TOMM20: variants seen among roughly 807,000 people sequenced by gnomAD.
TOMM20 encodes translocase of outer mitochondrial membrane 20.
A neutral mutation model predicts 22.1 loss-of-function variants in TOMM20; 10 were observed. The ratio of observed to expected loss-of-function variants is 0.45; its 90% CI spans 0.28 to 0.77. TOMM20 has a LOEUF of 0.77. TOMM20 is among the 30% of genes least tolerant of loss of function. TOMM20 has a pLI of 0.13. For missense variants in TOMM20, 121 were observed against 172.2 expected (o/e 0.70, Z 1.66); for synonymous variants, 55 against 61.4 (o/e 0.90, Z 0.49).
At chr1:235,118,344 CA>C (rs1449608004) in intron 3 of TOMM20, among the ~76,000 whole-genome samples, 1 of 152,186 alleles carries the variant, frequency 6.6e-6, no homozygotes, top group Non-Finnish European at 1.5e-5. Flanking sequence ...TTATGCGATG[CA>C]AGGAGCAGAG....
intron 2 of TOMM20, among the ~76,000 whole-genome samples, 178 bp downstream of exon 2, chr1:235,122,148 C>T (rs1043538604): frequency 6.6e-6 from 1 of 152,134 alleles, no homozygotes; most frequent in Non-Finnish European, 1.5e-5. Context: ...GACTCGATAA[C>T]TGTCATTGGA....
intron 1 of TOMM20, among the ~76,000 whole-genome samples, chr1:235,126,943 T>C (rs1407990247): frequency 2.0e-5 from 3 of 152,248 alleles, no homozygotes; most frequent in African/African-American, 7.2e-5. Context: ...TGCAGCTAAG[T>C]AATTCACTGT....
rs1430513269 is a variant in TOMM20, at chr1:235,111,380, A to G, written c.*684T>C. ...GCACACATTAACTAGCGAAGCTCAC[A>G]AGGCTAGATTAGGGGTGTACAGAAA... On this transcript the variant is annotated 3_prime_UTR_variant, in exon 5 of 5. Transcript: ENST00000366607. The G allele has an allele frequency of 6.6e-6, 1 of 152,292 alleles. No homozygotes were observed. The highest frequency in any genetic ancestry group is 1.5e-5 in the Non-Finnish European group (1 of 68,066). 9.4% of individuals were successfully genotyped at this position (152,292 alleles called of 1,614,324 possible).
chr1:235,128,453 C>A, intron 1 of TOMM20, 142 bp downstream of exon 1: 1 of 1,335,320 alleles, frequency 7.5e-7, no homozygotes, highest in South Asian at 1.4e-5. Context: ...CGGAGCGGCG[C>A]AGCCAGCGCC....
At chr1:235,118,690 A>C (rs1413754183) in intron 3 of TOMM20, among the ~76,000 whole-genome samples, 1 of 151,994 alleles carries the variant, frequency 6.6e-6, no homozygotes, top group Admixed American at 6.6e-5. Context: ...CACCTGGTTT[A>C]TTTTCTCATT....
chr1:235,126,036 G>A (rs1183119776), intron 1 of TOMM20, among the ~76,000 whole-genome samples: 4 of 151,712 alleles, frequency 2.6e-5, no homozygotes, highest in South Asian at 4.2e-4. Context: ...GATTACAGGC[G>A]TGAGTCACTG....
chr1:235,124,732 G>A (rs549091747), intron 1 of TOMM20, among the ~76,000 whole-genome samples: 1 of 152,226 alleles, frequency 6.6e-6, no homozygotes, highest in South Asian at 2.1e-4. Context: ...AACTGATACA[G>A]CTACCAAATT....
In TOMM20 at chr1:235,128,805, CA is replaced by C; in HGVS notation, c.-91del. On this transcript the variant is annotated 5_prime_UTR_variant, in exon 1 of 5. Coordinates refer to ENST00000366607, the MANE Select transcript of TOMM20 (RefSeq NM_014765.3). ...CCCTCAGAGCGGTCGGCGCAGCTCA[CA>C]CCCGACGGCCGCGGGCCAGGAACAC... is the stretch of plus-strand genomic sequence containing the variant. 1 of 1,569,800 alleles carries C rather than the reference CA, an allele frequency of 6.4e-7. No homozygotes were observed. The highest frequency in any genetic ancestry group is 8.6e-7 in the Non-Finnish European group (1 of 1,159,914).
At chr1:235,124,967 T>C (rs1660986609) in intron 1 of TOMM20, among the ~76,000 whole-genome samples, 1 of 152,238 alleles carries the variant, frequency 6.6e-6, no homozygotes, top group South Asian at 2.1e-4. Context: ...TTCATTTAAA[T>C]AAGATGCTTA....
At chr1:235,125,463 C>T (rs1264518205) in intron 1 of TOMM20, among the ~76,000 whole-genome samples, 1 of 152,108 alleles carries the variant, frequency 6.6e-6, no homozygotes, top group African/African-American at 2.4e-5. Flanking sequence ...GATCCGCCCG[C>T]CTCGGCCTCC....
At chr1:235,114,583 G>A (rs1003521631) in intron 3 of TOMM20, among the ~76,000 whole-genome samples, 8 of 151,648 alleles carry the variant, frequency 5.3e-5, no homozygotes, top group South Asian at 2.1e-4. Flanking sequence ...GACTACAGGC[G>A]CCCACCACCA....
chr1:235,120,295 CAG>C (rs943936121), intron 2 of TOMM20, among the ~76,000 whole-genome samples: 20 of 152,206 alleles, frequency 1.3e-4, no homozygotes, highest in Admixed American at 1.2e-3. Context: ...TTTTTTGAGA[CAG>C]AGTCTCATTC....
intron 2 of TOMM20, among the ~76,000 whole-genome samples, chr1:235,120,330 T>C (rs887901228): frequency 6.6e-6 from 1 of 152,182 alleles, no homozygotes; most frequent in Non-Finnish European, 1.5e-5. Context: ...TGGAGTGCAG[T>C]GGCACAATCC....
chr1:235,126,956 T>A (rs1438093421), intron 1 of TOMM20, among the ~76,000 whole-genome samples: 1 of 152,224 alleles, frequency 6.6e-6, no homozygotes, highest in Non-Finnish European at 1.5e-5. Flanking sequence ...TTCACTGTAA[T>A]CATTAGGTTG....
At chr1:235,121,470 T>C (rs898583172) in intron 2 of TOMM20, among the ~76,000 whole-genome samples, 1 of 152,234 alleles carries the variant, frequency 6.6e-6, no homozygotes, top group African/African-American at 2.4e-5. Context: ...ATTACATACT[T>C]CAGAAAGGTA....
At position 235,111,639 on chromosome 1, in the gene TOMM20, A is replaced by C; in HGVS notation, c.*425T>G. On this transcript the variant is annotated 3_prime_UTR_variant, in exon 5 of 5. Transcript: ENST00000366607. ...TGCTCAGTTTTCACAAACACAGTCA[A>C]GTCTATCAAATTTCCAGATTTACAG... 6.1e-6 allele frequency: 1 copy of C among 162,942 alleles called. No individual in the cohort carries two copies. The highest frequency in any genetic ancestry group is 1.8e-4 in the East Asian group (1 of 5,410). 10.1% of individuals were successfully genotyped at this position (162,942 alleles called of 1,614,324 possible).
At chr1:235,119,033 C>T (rs1210035980) in intron 3 of TOMM20, among the ~76,000 whole-genome samples, 1 of 152,154 alleles carries the variant, frequency 6.6e-6, no homozygotes, top group African/African-American at 2.4e-5. Flanking sequence ...ACACAAATGC[C>T]CCACATCATG....
chr1:235,111,824 T>C lies in TOMM20; in HGVS notation c.*240A>G, dbSNP rs1348420738. ...ATGTTTCAGGAATAAACAAAATCCA[T>C]GATATTTTAGTAACTCATAGTGTAT... On this transcript the variant is annotated 3_prime_UTR_variant, in exon 5 of 5. Transcript: ENST00000366607. 9.1e-6 allele frequency: 4 copies of C among 437,862 alleles called. No homozygotes were observed. Among genetic ancestry groups the C allele is most frequent in the African/African-American group, 8.3e-5 (4 of 48,142 alleles). The allele number at this position is 437,862 out of a possible 1,614,324, so 27.1% of individuals were successfully genotyped here. A position where few individuals can be genotyped will look rare whatever the true frequency, so the allele number is the denominator to read the frequency against.
At chr1:235,126,945 A>G (rs947604296) in intron 1 of TOMM20, among the ~76,000 whole-genome samples, 1 of 152,252 alleles carries the variant, frequency 6.6e-6, no homozygotes, top group African/African-American at 2.4e-5. Flanking sequence ...CAGCTAAGTA[A>G]TTCACTGTAA....
Sources: gnomAD v4.1 joint callset for allele counts (sites outside exome capture counted in the v4.1 genomes callset) on GRCh38, gnomAD v4.1.1 for gene constraint, MANE v1.5 for transcripts, NCBI Gene and HGNC (gene_info 2026-07-23, HGNC 2026-07-21) for gene names.